LRRC51: variants seen among roughly 807,000 people sequenced by gnomAD.
LRRC51 encodes leucine rich repeat containing 51.
In LRRC51, 8 loss-of-function variants were observed where a neutral mutation model predicts 17.8. That is an observed-to-expected ratio of 0.45 (90% CI 0.26 to 0.81). The LOEUF is 0.81. Among genes scored for constraint, LRRC51 ranks in the 30% least tolerant of loss-of-function variants. The pLI is 0.17. For missense variants in LRRC51, 233 were observed against 239.3 expected, an observed-to-expected ratio of 0.97 and a Z score of 0.17; for synonymous variants, 92 against 96.0, an observed-to-expected ratio of 0.96 and a Z score of 0.24.
At chr11:72,088,992 G>A in intron 2 of LRRC51, 37 bp from the exon 3 acceptor site, 1 of 1,607,582 alleles carries the variant, frequency 6.2e-7, no homozygotes, top group Middle Eastern at 2.3e-4. Context: ...CTGAAAGCCG[G>A]TGTACTTGAA....
Position 72,089,056 on chromosome 11 carries a change from C to G in LRRC51, c.-28C>G. On this transcript the variant is annotated 5_prime_UTR_variant, in exon 3 of 6. Transcript: ENST00000289488. ...TGAACCCAGACTCCCAGGGCACCTG[C>G]TTGCACCTTTGAATGATGGCCTGAA... The G allele has an allele frequency of 1.2e-6, 2 of 1,612,962 alleles. No individual in the cohort carries two copies. Among genetic ancestry groups the G allele is most frequent in the Non-Finnish European group, 1.7e-6 (2 of 1,179,874 alleles).
intron 1 of LRRC51, among the ~76,000 whole-genome samples, chr11:72,082,927 G>A (rs546338746): frequency 1.3e-5 from 2 of 151,644 alleles, no homozygotes; most frequent in South Asian, 2.1e-4. Context: ...GTGCAATGGC[G>A]CAATCTCGGC....
intron 3 of LRRC51, chr11:72,089,458 A>G: frequency 7.5e-7 from 1 of 1,336,906 alleles, no homozygotes; most frequent in Non-Finnish European, 9.8e-7. Context: ...GTAGTTGATC[A>G]TCTTTAAAAG....
chr11:72,087,903 A>G (rs949267213), intron 1 of LRRC51, among the ~76,000 whole-genome samples: 26 of 152,198 alleles, frequency 1.7e-4, no homozygotes, highest in Admixed American at 1.1e-3. Flanking sequence ...GTGACATTAT[A>G]TTTCTAGTGG....
At chr11:72,094,574 T>C in intron 4 of LRRC51, 2 of 620,752 alleles carry the variant, frequency 3.2e-6, no homozygotes, top group Non-Finnish European at 5.7e-6. Flanking sequence ...TAACCAGTAT[T>C]TTAAAAGCTT....
chr11:72,092,234 A>C (rs148876898), intron 3 of LRRC51, among the ~76,000 whole-genome samples: 1 of 152,208 alleles, frequency 6.6e-6, no homozygotes, highest in Non-Finnish European at 1.5e-5. Context: ...CTTCATCTCC[A>C]ACTGCCTACT....
At chr11:72,094,216 G>A (rs1238370750) in intron 4 of LRRC51, among the ~76,000 whole-genome samples, 1 of 151,568 alleles carries the variant, frequency 6.6e-6, no homozygotes, top group South Asian at 2.1e-4. Context: ...AACCCAGGAG[G>A]CAGAGGTTGC....
intron 3 of LRRC51, among the ~76,000 whole-genome samples, chr11:72,092,645 C>T (rs1487422899): frequency 6.6e-6 from 1 of 152,276 alleles, no homozygotes; most frequent in Admixed American, 6.5e-5. Context: ...TTCCTGCCTC[C>T]TTTTCCTCTC....
intron 2 of LRRC51, chr11:72,088,713 G>A: frequency 1.9e-6 from 1 of 519,090 alleles, no homozygotes. Context: ...TATGACTGCA[G>A]TCTACAACTG....
chr11:72,095,623 G>A lies in LRRC51; in HGVS notation c.*103G>A. On this transcript the variant is annotated 3_prime_UTR_variant, in exon 6 of 6. Transcript: ENST00000289488. The stretch of plus-strand genomic sequence containing the variant: ...GCAGATGAGAAGTCACTTACACCTT[G>A]TAGAGATGTTCTCTAACTCAGGCAA... The A allele has an allele frequency of 1.3e-6, 2 of 1,551,132 alleles. No homozygotes were observed. Among genetic ancestry groups the A allele is most frequent in the South Asian group, 1.2e-5 (1 of 83,900 alleles).
Position 72,095,391 on chromosome 11 carries a change from G to A in LRRC51, c.450G>A (p.Leu150=). 1 of 1,614,092 alleles carries A rather than the reference G, an allele frequency of 6.2e-7. No homozygotes were observed. Among genetic ancestry groups the A allele is most frequent in the South Asian group, 1.1e-5 (1 of 91,078 alleles). Residue 150 remains leucine (L), a synonymous_variant, in exon 6 of 6, where the codon CTG becomes CTA. Coordinates refer to ENST00000289488, the MANE Select transcript of LRRC51 (RefSeq NM_145309.6). The part of the protein sequence containing the change: ...EEEKGYRQYV[L]CTLSRITTFD... ...GTCTTCCCCACAGGCAATATGTGCTGTGCACCCTGTCCCGTATCACCACGT... is the reference window on the plus strand; with the variant it reads ...GTCTTCCCCACAGGCAATATGTGCTATGCACCCTGTCCCGTATCACCACGT...
At chr11:72,087,940 T>G (rs1281792971) in intron 1 of LRRC51, among the ~76,000 whole-genome samples, 1 of 152,248 alleles carries the variant, frequency 6.6e-6, no homozygotes, top group Non-Finnish European at 1.5e-5. Context: ...AATCATCTGT[T>G]TTATGACTGT....
chr11:72,089,694 A>T, intron 3 of LRRC51: 1 of 837,666 alleles, frequency 1.2e-6, no homozygotes, highest in Non-Finnish European at 1.5e-6. Context: ...TTCCAGTTTA[A>T]ATACTTACTG....
rs775119251 is a variant in LRRC51, at chr11:72,095,447, G to A, written c.506G>A (p.Arg169His). The A allele has an allele frequency of 4.3e-6, 7 of 1,614,092 alleles. No individual in the cohort carries two copies. Among genetic ancestry groups the A allele is most frequent in the South Asian group, 2.2e-5 (2 of 91,074 alleles). The change falls in exon 6 of 6, where the codon CGC becomes CAC. Residue 169 changes from arginine (R) to histidine (H), a missense_variant. Arg to His is a conservative substitution (Grantham distance 29). Coordinates refer to ENST00000289488, the MANE Select transcript of LRRC51 (RefSeq NM_145309.6). ...TTCAGTGGGGTCACCAAAGCAGACC[G>A]CACCACAGCTGAAGTCTGGAAACGC... Reference protein sequence around the residue: ...FDFSGVTKADRTTAEVWKRMN... With the variant: ...FDFSGVTKADHTTAEVWKRMN...
rs1945051168 is a variant in LRRC51, at chr11:72,094,443, G to A, written c.289-505G>A. Reference sequence around the variant, plus strand: ...CAATAAAGTACAGCACTTACTTTCTGTGAACTCAGATTCAAGTTTTAAGAA... The same window carrying A: ...CAATAAAGTACAGCACTTACTTTCTATGAACTCAGATTCAAGTTTTAAGAA... On this transcript the variant is annotated intron_variant, in intron 4 of 5. Coordinates refer to ENST00000289488, the MANE Select transcript of LRRC51 (RefSeq NM_145309.6). The A allele has an allele frequency of 5.6e-6, 3 of 535,668 alleles. No homozygotes were observed. The South Asian group carries it at 6.7e-5, about 12-fold the overall frequency. 33.2% of individuals were successfully genotyped at this position (535,668 alleles called of 1,614,324 possible).
chr11:72,081,448 A>C (rs1944192833), intron 1 of LRRC51, among the ~76,000 whole-genome samples: 1 of 152,016 alleles, frequency 6.6e-6, no homozygotes. Flanking sequence ...AAACAAAACA[A>C]AAACAAAACA....
chr11:72,094,387 C>T, intron 4 of LRRC51: 1 of 366,354 alleles, frequency 2.7e-6, no homozygotes, highest in Non-Finnish European at 4.9e-6. Flanking sequence ...CCACTGTGAC[C>T]TGTGCTGGGT....
At chr11:72,093,736 G>A in intron 4 of LRRC51, 35 bp downstream of exon 4, 35 of 1,602,478 alleles carry the variant, frequency 2.2e-5, no homozygotes, top group Non-Finnish European at 2.9e-5. Context: ...AGTCAGGGGA[G>A]CCTGAAGCCA....
chr11:72,089,685 T>C, intron 3 of LRRC51: 1 of 921,724 alleles, frequency 1.1e-6, no homozygotes, highest in African/African-American at 1.8e-5. Context: ...CTGGCATATT[T>C]CCAGTTTAAA....
Sources: allele counts gnomAD v4.1 joint callset (sites outside exome capture counted in the v4.1 genomes callset), GRCh38; gene constraint gnomAD v4.1.1; transcripts MANE v1.5; gene names NCBI Gene and HGNC (gene_info 2026-07-23, HGNC 2026-07-21).